SYT1: variants seen among roughly 807,000 people sequenced by gnomAD.
SYT1 encodes the protein synaptotagmin 1, also known as synaptotagmin-1.
SYT1 carries 8 observed loss-of-function variants against 44.8 expected under a neutral mutation model. The ratio of observed to expected loss-of-function variants is 0.18; its 90% CI spans 0.10 to 0.32. The LOEUF is 0.32. SYT1 is among the 10% of genes least tolerant of loss of function. The pLI is 1.00. For missense variants in SYT1, 286 were observed against 509.3 expected (o/e 0.56, Z 4.22); for synonymous variants, 154 against 188.8 (o/e 0.82, Z 1.51).
intron 4 of SYT1, among the ~76,000 whole-genome samples, chr12:79,277,342 A>G (rs1170103853): frequency 6.6e-6 from 1 of 152,206 alleles, no homozygotes; most frequent in Non-Finnish European, 1.5e-5. Flanking sequence ...CTTCTAAACC[A>G]GAAGGCCTTG....
chr12:79,247,681 A>G (rs970624756), intron 4 of SYT1, among the ~76,000 whole-genome samples: 2 of 152,208 alleles, frequency 1.3e-5, no homozygotes, highest in African/African-American at 4.8e-5. Flanking sequence ...ACAACCTTCT[A>G]GAGTACACAA....
intron 1 of SYT1, among the ~76,000 whole-genome samples, chr12:78,931,901 C>G (rs1877777833): frequency 6.6e-6 from 1 of 152,140 alleles, no homozygotes; most frequent in East Asian, 1.9e-4. Flanking sequence ...GTTCTCTGCA[C>G]CCACTTCTCC....
At chr12:79,270,684 G>A (rs1240121578) in intron 4 of SYT1, among the ~76,000 whole-genome samples, 4 of 152,148 alleles carry the variant, frequency 2.6e-5, no homozygotes, top group African/African-American at 4.8e-5. Context: ...CAAGATCCCA[G>A]TGAGTAAATC....
intron 3 of SYT1, among the ~76,000 whole-genome samples, chr12:79,064,987 A>AGAAG (rs1875721984): frequency 6.9e-6 from 1 of 145,500 alleles, no homozygotes; most frequent in African/African-American, 2.6e-5. Flanking sequence ...AAAGAAAGAA[A>AGAAG]GAAAGAAAGA....
At chr12:79,085,616 G>T in intron 3 of SYT1, among the ~76,000 whole-genome samples, 1 of 152,086 alleles carries the variant, frequency 6.6e-6, no homozygotes, top group East Asian at 1.9e-4. Context: ...AGGGAATTGG[G>T]TCCTAATTAG....
At chr12:79,102,817 A>G (rs1878516693) in intron 3 of SYT1, among the ~76,000 whole-genome samples, 1 of 152,228 alleles carries the variant, frequency 6.6e-6, no homozygotes, top group African/African-American at 2.4e-5. Context: ...AATTTTAAGT[A>G]GGTGGTCATT....
chr12:79,114,515 G>C (rs1458533855), intron 3 of SYT1, among the ~76,000 whole-genome samples: 1 of 151,850 alleles, frequency 6.6e-6, no homozygotes, highest in Non-Finnish European at 1.5e-5. Flanking sequence ...TAAGCCCAGA[G>C]TTGCAAAGGG....
chr12:79,350,265 T>C, intron 8 of SYT1, among the ~76,000 whole-genome samples: 1 of 146,416 alleles, frequency 6.8e-6, no homozygotes, highest in Non-Finnish European at 1.5e-5. Context: ...TTTTTTTTTT[T>C]TTTTTGAGAC....
chr12:79,315,215 TA>T (rs543445346), intron 8 of SYT1, among the ~76,000 whole-genome samples: 186 of 152,212 alleles, frequency 1.2e-3, no homozygotes, highest in African/African-American at 4.3e-3. Flanking sequence ...TAAATACAAT[TA>T]AAAAAATTAT....
intron 1 of SYT1, among the ~76,000 whole-genome samples, chr12:78,881,702 T>C (rs1874464228): frequency 6.6e-6 from 1 of 151,320 alleles, no homozygotes; most frequent in Admixed American, 6.6e-5. Flanking sequence ...CTTCGCTTGG[T>C]AATTTTCCTT....
chr12:78,954,435 A>G (rs1403922911), intron 1 of SYT1, among the ~76,000 whole-genome samples: 2 of 152,106 alleles, frequency 1.3e-5, no homozygotes, highest in Non-Finnish European at 2.9e-5. Context: ...TTAAATTACC[A>G]AAATGATAGC....
At chr12:79,413,747 T>C (rs1179564904) in intron 9 of SYT1, among the ~76,000 whole-genome samples, 2 of 152,204 alleles carry the variant, frequency 1.3e-5, no homozygotes, top group African/African-American at 4.8e-5. Flanking sequence ...AGAATTAATG[T>C]AAGAGAAAGT....
chr12:79,160,433 T>A (rs961255574), intron 3 of SYT1, among the ~76,000 whole-genome samples: 9 of 152,102 alleles, frequency 5.9e-5, no homozygotes, highest in African/African-American at 1.4e-4. Flanking sequence ...ATAAAAAGTC[T>A]GGCTAAGAAG....
chr12:79,170,154 A>G (rs774546761), intron 3 of SYT1, among the ~76,000 whole-genome samples: 2 of 152,142 alleles, frequency 1.3e-5, no homozygotes, highest in Non-Finnish European at 1.5e-5. Context: ...GGCTGCAATG[A>G]ACATACACAT....
intron 1 of SYT1, among the ~76,000 whole-genome samples, chr12:78,910,643 A>C (rs1282827673): frequency 1.3e-5 from 2 of 152,022 alleles, no homozygotes; most frequent in African/African-American, 2.4e-5. Flanking sequence ...CCTTCATGAA[A>C]ATTGCAGTCT....
rs539852058 is a variant in SYT1, at chr12:79,210,279, G to A, written c.-17-7224G>A. Reference sequence around the variant, plus strand: ...TTTTTTCATTTTTCGTAACTTATTGGTGTACAGGTGGTATTTAGTTACATG... The same window carrying A: ...TTTTTTCATTTTTCGTAACTTATTGATGTACAGGTGGTATTTAGTTACATG... On this transcript the variant is annotated intron_variant, in intron 3 of 10. Transcript: ENST00000261205. Among the ~76,000 whole-genome samples, 3 of 151,452 alleles carry A rather than the reference G, an allele frequency of 2.0e-5. No homozygotes were observed. In the East Asian group the frequency reaches 5.9e-4, roughly 30 times the overall value.
intron 3 of SYT1, among the ~76,000 whole-genome samples, chr12:79,150,477 G>A (rs1209081045): frequency 6.6e-6 from 1 of 152,100 alleles, no homozygotes; most frequent in Non-Finnish European, 1.5e-5. Context: ...TTTGGTCAAA[G>A]GATACAAATT....
In SYT1 at chr12:79,064,936, G is replaced by T. The variant is rs879379771; in HGVS notation, c.-18+17574G>T. ...AGACAAAAAAATAGAGAGAAAGAAA[G>T]AAAGAAAGAAAGAAAGAAAGAAAGA... is the stretch of plus-strand genomic sequence containing the variant. On this transcript the variant is annotated intron_variant, in intron 3 of 10. Transcript: ENST00000261205. 2.8e-3 allele frequency among the ~76,000 whole-genome samples: 281 copies of T among 101,986 alleles called. 13 individuals carry two copies. The highest frequency in any genetic ancestry group is 0.024 in the Admixed American group (249 of 10,330). The allele number at this position is 101,986 out of a possible 152,430, so 66.9% of individuals were successfully genotyped here.
intron 3 of SYT1, among the ~76,000 whole-genome samples, chr12:79,184,236 C>T (rs1460867128): frequency 6.6e-6 from 1 of 151,744 alleles, no homozygotes; most frequent in East Asian, 1.9e-4. Context: ...CTCATGTTTT[C>T]CCTTTATTTT....
Sources: gnomAD v4.1 joint callset for allele counts (sites outside exome capture counted in the v4.1 genomes callset) on GRCh38, gnomAD v4.1.1 for gene constraint, MANE v1.5 for transcripts, NCBI Gene and HGNC (gene_info 2026-07-23, HGNC 2026-07-21) for gene names.